The following AHI1 variants were observed in gnomAD, a reference collection of about 807,000 sequenced individuals.
The protein encoded by AHI1 is Abelson helper integration site 1, also known as jouberin.
Under a neutral mutation model 149.3 loss-of-function variants are expected in AHI1, and 123 were observed. The observed-to-expected ratio is 0.82, with a 90% CI of 0.71 to 0.96. AHI1 has a LOEUF of 0.96. AHI1 is among the 40% of genes least tolerant of loss of function. The probability of loss-of-function intolerance (pLI) is 0.00; values close to 1 mark genes in which losing one functional copy is unlikely to be tolerated. For missense variants in AHI1, 1,439 were observed against 1,422.7 expected (o/e 1.01, Z -0.18); for synonymous variants, 475 against 459.8 (o/e 1.03, Z -0.42).
intron 24 of AHI1, among the ~76,000 whole-genome samples, chr6:135,330,494 T>C (rs921094983): frequency 2.6e-5 from 4 of 152,242 alleles, no homozygotes; most frequent in African/African-American, 9.6e-5. Context: ...ACATACTTAA[T>C]AGACTACAGT....
At chr6:135,314,966 A>G (rs1785725964) in intron 26 of AHI1, among the ~76,000 whole-genome samples, 1 of 152,176 alleles carries the variant, frequency 6.6e-6, no homozygotes, top group Non-Finnish European at 1.5e-5. Flanking sequence ...CCTACGTCCT[A>G]TTTCACCAAC....
In AHI1 at chr6:135,285,011, G is replaced by C. The variant is rs1484959835; in HGVS notation, c.*634C>G. 6.5e-6 allele frequency: 1 copy of C among 153,250 alleles called. No individual in the cohort carries two copies. The highest frequency in any genetic ancestry group is 2.4e-5 in the African/African-American group (1 of 41,374). 9.5% of individuals were successfully genotyped at this position (153,250 alleles called of 1,614,324 possible). On this transcript the variant is annotated 3_prime_UTR_variant, in exon 29 of 29. Transcript: ENST00000265602. ...TCCTGCCTCAGTAGATGGGATTACA[G>C]GTGCCTGCCATGAGACCCGGCTGAT...
At chr6:135,288,909 T>G (rs1202249857) in intron 28 of AHI1, among the ~76,000 whole-genome samples, 1 of 152,054 alleles carries the variant, frequency 6.6e-6, no homozygotes, top group Non-Finnish European at 1.5e-5. Context: ...CTTATAGTAT[T>G]ACCAGCAGTG....
chr6:135,294,698 C>CAAAAAAAAAAAAAAAAAAAAAAAAAAAAA (rs56734547), intron 27 of AHI1, among the ~76,000 whole-genome samples: 1 of 68,016 alleles, frequency 1.5e-5, no homozygotes, highest in African/African-American at 4.8e-5. Context: ...TCTCCAAATG[C>CAAAAAAAAAAAAAAAAAAAAAAAAAAAAA]AAAAAAAAAA....
intron 20 of AHI1, among the ~76,000 whole-genome samples, chr6:135,416,853 C>G (rs1433836073): frequency 3.9e-5 from 6 of 152,024 alleles, no homozygotes; most frequent in African/African-American, 1.4e-4. Context: ...AGAGGACCTG[C>G]TTACACTCCA....
intron 11 of AHI1, among the ~76,000 whole-genome samples, chr6:135,452,164 C>T (rs1012750891): frequency 3.0e-4 from 45 of 152,294 alleles, no homozygotes; most frequent in Admixed American, 2.7e-3. Flanking sequence ...CAGCTATATA[C>T]AATGTCTAAT....
intron 27 of AHI1, among the ~76,000 whole-genome samples, 159 bp downstream of exon 27, chr6:135,300,341 G>GAAAAAAAAAAAAAAAAAAAAA: frequency 8.1e-6 from 1 of 122,908 alleles, no homozygotes; most frequent in Non-Finnish European, 1.5e-5. Context: ...AAAAAAAAAA[G>GAAAAAAAAAAAAAAAAAAAAA]AAAAAAAAAT....
intron 26 of AHI1, among the ~76,000 whole-genome samples, chr6:135,307,993 C>T (rs948152288): frequency 2.0e-5 from 3 of 151,880 alleles, no homozygotes; most frequent in Non-Finnish European, 2.9e-5. Context: ...GTTGAGAAAC[C>T]CTGGAATAGA....
At chr6:135,489,672 A>G (rs1212218705) in intron 5 of AHI1, among the ~76,000 whole-genome samples, 1 of 152,062 alleles carries the variant, frequency 6.6e-6, no homozygotes, top group Non-Finnish European at 1.5e-5. Flanking sequence ...AGTAGTTCGA[A>G]ATTTTTGTGC....
At position 135,284,096 on chromosome 6, in the gene AHI1, C is replaced by CA. The variant is rs2128335578; in HGVS notation, c.*1548dup. The CA allele has an allele frequency of 6.6e-6, 1 of 152,326 alleles. No homozygotes were observed. Among genetic ancestry groups the CA allele is most frequent in the South Asian group, 2.1e-4 (1 of 4,826 alleles). 9.4% of individuals were successfully genotyped at this position (152,326 alleles called of 1,614,324 possible). ...GCTGGCTGGGCCCAGCTGTACCTGA[C>CA]ACACAGACTTATACATCCAGAACAA... On this transcript the variant is annotated 3_prime_UTR_variant, in exon 29 of 29. Transcript: ENST00000265602.
At chr6:135,361,270 C>G (rs1793817283) in intron 23 of AHI1, among the ~76,000 whole-genome samples, 1 of 152,148 alleles carries the variant, frequency 6.6e-6, no homozygotes, top group Non-Finnish European at 1.5e-5. Flanking sequence ...TATTTAACTT[C>G]TATATGTTAT....
At chr6:135,422,244 T>C (rs917189367) in intron 20 of AHI1, among the ~76,000 whole-genome samples, 2 of 152,108 alleles carry the variant, frequency 1.3e-5, no homozygotes, top group Admixed American at 1.3e-4. Context: ...AGGCCAGGCA[T>C]GGTGGCTCAC....
At chr6:135,409,389 G>A (rs551101416) in intron 21 of AHI1, among the ~76,000 whole-genome samples, 13 of 152,164 alleles carry the variant, frequency 8.5e-5, no homozygotes, top group African/African-American at 2.9e-4. Flanking sequence ...AGAAATAATT[G>A]CAAGTGTATT....
At chr6:135,466,430 A>G in intron 6 of AHI1, 57 bp from the exon 7 acceptor site, 10 of 1,391,822 alleles carry the variant, frequency 7.2e-6, no homozygotes, top group Admixed American at 2.1e-5. Context: ...AGTTATATAA[A>G]GAAAAACCTA....
At chr6:135,324,182 G>A (rs865829315) in intron 24 of AHI1, among the ~76,000 whole-genome samples, 47 of 152,224 alleles carry the variant, frequency 3.1e-4, no homozygotes, top group African/African-American at 1.0e-3. Context: ...AAAAAAATTA[G>A]TTGGCTGTGG....
intron 5 of AHI1, among the ~76,000 whole-genome samples, chr6:135,479,736 T>C (rs1793299967): frequency 6.6e-6 from 1 of 152,168 alleles, no homozygotes; most frequent in Admixed American, 6.5e-5. Flanking sequence ...GAGAAGGACA[T>C]GAGATTTGGG....
chr6:135,466,437 C>T, intron 6 of AHI1, 64 bp from the exon 7 acceptor site: 1 of 1,353,742 alleles, frequency 7.4e-7, no homozygotes, highest in Non-Finnish European at 1.0e-6. Flanking sequence ...TAAAGAAAAA[C>T]CTAATAATTA....
intron 15 of AHI1, among the ~76,000 whole-genome samples, chr6:135,434,783 T>A (rs948639328): frequency 6.6e-6 from 1 of 151,816 alleles, no homozygotes; most frequent in Non-Finnish European, 1.5e-5. Flanking sequence ...CAAAAATTAC[T>A]AGATTTGGGA....
At chr6:135,429,784 A>G (rs1784392875) in intron 18 of AHI1, 98 bp downstream of exon 18, 1 of 687,766 alleles carries the variant, frequency 1.5e-6, no homozygotes, top group Non-Finnish European at 2.4e-6. Context: ...GTGTGGGGAC[A>G]CTGCTTAGTT....
Sources: gnomAD v4.1 joint callset for allele counts (sites outside exome capture counted in the v4.1 genomes callset) on GRCh38, gnomAD v4.1.1 for gene constraint, MANE v1.5 for transcripts, NCBI Gene and HGNC (gene_info 2026-07-23, HGNC 2026-07-21) for gene names.